The following ZMYND8 variants were observed in gnomAD, a reference collection of about 807,000 sequenced individuals.
ZMYND8 encodes zinc finger MYND-type containing 8.
In ZMYND8, 37 loss-of-function variants were observed where a neutral mutation model predicts 140.8. The ratio of observed to expected loss-of-function variants is 0.26; its 90% CI spans 0.20 to 0.35. The LOEUF is 0.35. ZMYND8 is among the 10% of genes least tolerant of loss of function. The probability of loss-of-function intolerance (pLI) is 1.00; values close to 1 mark genes in which losing one functional copy is unlikely to be tolerated. For synonymous variants in ZMYND8, 592 were observed against 597.1 expected, an observed-to-expected ratio of 0.99 and a Z score of 0.12; for missense variants, 1,068 against 1,570.0, an observed-to-expected ratio of 0.68 and a Z score of 5.40.
rs1451577638 is a variant in ZMYND8 at position 47,318,601 on chromosome 20, A to AG, written c.86-8398_86-8397insC. The AG allele has an allele frequency of 1.0e-5, 4 of 391,390 alleles. No individual in the cohort carries two copies. In the East Asian group the frequency reaches 2.9e-4, roughly 28 times the overall value. The allele number at this position is 391,390 out of a possible 1,614,324, so 24.2% of individuals were successfully genotyped here. A position where few individuals can be genotyped will look rare whatever the true frequency, so the allele number is the denominator to read the frequency against. On this transcript the variant is annotated intron_variant, in intron 2 of 22. Coordinates refer to ENST00000471951, the MANE Select transcript of ZMYND8 (RefSeq NM_001281775.3). Reference sequence around the variant, plus strand: ...CTAAGCCAGGAGGAACTTGTAAATGAAAACCGCTCGCATTAGCAAATGATT... The same window carrying AG: ...CTAAGCCAGGAGGAACTTGTAAATGAGAAACCGCTCGCATTAGCAAATGATT...
At chr20:47,277,326 T>G (rs962806105) in intron 10 of ZMYND8, among the ~76,000 whole-genome samples, 1 of 152,242 alleles carries the variant, frequency 6.6e-6, no homozygotes, top group African/African-American at 2.4e-5. Context: ...CCACCTCCCA[T>G]CCCAGGCCAG....
intron 21 of ZMYND8, among the ~76,000 whole-genome samples, chr20:47,217,851 T>C (rs1307099291): frequency 1.3e-5 from 2 of 152,106 alleles, no homozygotes; most frequent in African/African-American, 4.8e-5. Context: ...TCAGAAAAAC[T>C]GCCCCTTCCT....
At chr20:47,290,593 T>G (rs1157176821) in intron 6 of ZMYND8, among the ~76,000 whole-genome samples, 10 of 143,728 alleles carry the variant, frequency 7.0e-5, no homozygotes, top group Non-Finnish European at 1.2e-4. Flanking sequence ...GTTTTTTTTT[T>G]TTTTTTTTTT....
Position 47,221,363 on chromosome 20 carries a change from G to GCCT in ZMYND8, c.3367_3368insAGG (p.Ser1122_Ala1123insGlu), listed in dbSNP as rs762455906. On this transcript the variant is annotated inframe_insertion, in exon 20 of 23. Transcript: ENST00000471951. ...AGCTGACGTCTCCTTCTCTTTGGAGGCGCTGGCCGTTTCTGAAGGTGCTGA... is the reference window on the plus strand; with the variant it reads ...AGCTGACGTCTCCTTCTCTTTGGAGGCCTCGCTGGCCGTTTCTGAAGGTGCTGA... 3.0e-5 allele frequency: 48 copies of GCCT among 1,614,068 alleles called. No homozygotes were observed. The highest frequency in any genetic ancestry group is 3.9e-5 in the Non-Finnish European group (46 of 1,180,046).
chr20:47,310,921 G>C (rs1021741306), intron 2 of ZMYND8, among the ~76,000 whole-genome samples: 1 of 151,942 alleles, frequency 6.6e-6, no homozygotes, highest in Admixed American at 6.6e-5. Flanking sequence ...CCCTGCTGAT[G>C]AGACCGAGGC....
intron 13 of ZMYND8, 89 bp from the exon 14 acceptor site, chr20:47,246,606 T>G: frequency 2.7e-6 from 4 of 1,486,078 alleles, no homozygotes; most frequent in Non-Finnish European, 3.6e-6. Flanking sequence ...CACCAAATGC[T>G]GGAATAAGAA....
chr20:47,256,281 A>T (rs913937170), intron 12 of ZMYND8, among the ~76,000 whole-genome samples: 4 of 147,822 alleles, frequency 2.7e-5, no homozygotes, highest in Admixed American at 2.7e-4. Context: ...GAAGTTTGAG[A>T]CCAGCCTGGG....
chr20:47,302,074 T>A lies in ZMYND8; in HGVS notation c.235-3127A>T, dbSNP rs140432901. ...TGAGGCCTCCCCAGCCATGCTGAAC[T>A]GTGAGTCAATTAAACTGCTTTCCTT... On this transcript the variant is annotated intron_variant, in intron 3 of 22. Transcript: ENST00000471951. Among the ~76,000 whole-genome samples the A allele has an allele frequency of 3.5e-3, 539 of 152,308 alleles. 2 individuals carry two copies. Among genetic ancestry groups the A allele is most frequent in the Non-Finnish European group, 5.8e-3 (393 of 68,028 alleles).
At chr20:47,224,190 G>A (rs73912742) in intron 19 of ZMYND8, 127 bp downstream of exon 19, 4 of 1,455,020 alleles carry the variant, frequency 2.7e-6, no homozygotes, top group Non-Finnish European at 3.7e-6. Flanking sequence ...AATTGTTTTT[G>A]AGTGAAAGTG....
chr20:47,217,427 T>C (rs2036289294), intron 21 of ZMYND8, among the ~76,000 whole-genome samples: 1 of 152,226 alleles, frequency 6.6e-6, no homozygotes, highest in Non-Finnish European at 1.5e-5. Flanking sequence ...TGAGAGATGC[T>C]AAAGACATCT....
intron 12 of ZMYND8, among the ~76,000 whole-genome samples, chr20:47,251,990 A>G (rs974487336): frequency 6.6e-6 from 1 of 152,100 alleles, no homozygotes; most frequent in Non-Finnish European, 1.5e-5. Context: ...TTTAAAAAAA[A>G]AAAGAAAGAA....
intron 2 of ZMYND8, among the ~76,000 whole-genome samples, chr20:47,331,553 G>A (rs1176218642): frequency 6.6e-6 from 1 of 152,148 alleles, no homozygotes; most frequent in Non-Finnish European, 1.5e-5. Flanking sequence ...GAGTCATAAA[G>A]CTCCAGATGT....
chr20:47,346,357 C>A (rs1055799474), intron 2 of ZMYND8, among the ~76,000 whole-genome samples: 1 of 152,168 alleles, frequency 6.6e-6, no homozygotes, highest in African/African-American at 2.4e-5. Context: ...CTCTCTTCAC[C>A]ATCAATGGCA....
rs1001512405 is a variant in ZMYND8 at position 47,321,853 on chromosome 20, G to A, written c.86-11649C>T. Among the ~76,000 whole-genome samples, 18 of 142,298 alleles carry A rather than the reference G, an allele frequency of 1.3e-4. No individual in the cohort carries two copies. The East Asian group carries it at 2.4e-3, about 19-fold the overall frequency. The allele number at this position is 142,298 out of a possible 152,430, so 93.4% of individuals were successfully genotyped here. On this transcript the variant is annotated intron_variant, in intron 2 of 22. Transcript: ENST00000471951. ...AATATCGATTTATTTAAAACTCGCC[G>A]CCCTTTTTTTTTTTTTTTTTTTTTT... is the stretch of plus-strand genomic sequence containing the variant.
chr20:47,351,740 C>G (rs1339595143), intron 1 of ZMYND8: 1 of 985,286 alleles, frequency 1.0e-6, no homozygotes, highest in Non-Finnish European at 1.2e-6. Context: ...GGTAGCTAAG[C>G]TATTTATGCA....
Position 47,236,501 on chromosome 20 carries a change from T to G in ZMYND8, c.2681A>C (p.Glu894Ala). The G allele has an allele frequency of 1.3e-6, 2 of 1,580,626 alleles. No individual in the cohort carries two copies. The highest frequency in any genetic ancestry group is 2.3e-5 in the South Asian group (2 of 85,892). ...GGACGTGGATGGGCTCTGTGTGATC[T>G]CCTTCTGCTGGACAGCTAGGAAGGC... ...RQAVKAVQQK[E>A]ITQSPSTSTI... Residue 894 changes from glutamate to alanine, a missense_variant, in exon 16 of 23, where the codon GAG (glutamate) becomes GCG (alanine). Physicochemically the swap from Glu to Ala is moderately radical, Grantham distance 107 (BLOSUM62 -1). Around this residue, in one of 10 missense-constraint regions of ZMYND8, gnomAD observed 383 missense variants for 431.2 expected, o/e 0.89. Transcript: ENST00000471951.
rs34947617 is a variant in ZMYND8 at position 47,328,476 on chromosome 20, C to CT, written c.86-18273dup. ...TCTGCCACCCCACAAAAAGTTAATT[C>CT]TTTTTTTTTTCGAGACAGAGTCTGT... On this transcript the variant is annotated intron_variant, in intron 2 of 22. Transcript: ENST00000471951. Among the ~76,000 whole-genome samples, 857 of 149,948 alleles carry CT rather than the reference C, an allele frequency of 5.7e-3. 10 individuals carry two copies. Among genetic ancestry groups the CT allele is most frequent in the African/African-American group, 0.02 (806 of 41,040 alleles).
chr20:47,291,747 G>T, intron 6 of ZMYND8, 49 bp downstream of exon 6: 2 of 1,483,098 alleles, frequency 1.3e-6, no homozygotes, highest in Non-Finnish European at 1.9e-6. Context: ...AGAGCCTTAG[G>T]CATCTCAACT....
chr20:47,325,094 G>A (rs531486633), intron 2 of ZMYND8, among the ~76,000 whole-genome samples: 19 of 152,116 alleles, frequency 1.2e-4, no homozygotes, highest in Non-Finnish European at 2.2e-4. Context: ...TGGTAGAGAC[G>A]GGGTTTCACC....
Sources: gnomAD v4.1 joint callset for allele counts (sites outside exome capture counted in the v4.1 genomes callset) on GRCh38, gnomAD v4.1.1 for gene constraint, gnomAD v4.1.1 regional missense constraint, MANE v1.5 for transcripts, NCBI Gene and HGNC (gene_info 2026-07-23, HGNC 2026-07-21) for gene names.